Variants in ITFG2 observed in about 807,000 individuals in gnomAD.
ITFG2 encodes the protein integrin alpha FG-GAP repeat containing 2, also known as KICSTOR complex protein ITFG2.
Under a neutral mutation model 54.4 loss-of-function variants are expected in ITFG2, and 36 were observed. The ratio of observed to expected loss-of-function variants is 0.66; its 90% confidence interval spans 0.51 to 0.87. The LOEUF is 0.87. Ranked by LOEUF, ITFG2 falls within the 40% of genes least tolerant of loss-of-function variation. ITFG2 has a pLI of 0.00. For missense variants in ITFG2, 524 were observed against 576.7 expected (o/e 0.91, Z 0.94); for synonymous variants, 211 against 225.4 (o/e 0.94, Z 0.57).
At chr12:2,850,360 G>C (rs2098066053) in intron 2 of ITFG2, among the ~76,000 whole-genome samples, 1 of 151,576 alleles carries the variant, frequency 6.6e-6, no homozygotes, top group African/African-American at 2.4e-5. Flanking sequence ...TGTAGTCCCA[G>C]CTACTCGGGA....
intron 6 of ITFG2, 52 bp downstream of exon 6, chr12:2,820,924 G>A: frequency 6.3e-6 from 10 of 1,585,752 alleles, no homozygotes; most frequent in Non-Finnish European, 8.6e-6. Flanking sequence ...AAGCAGGATG[G>A]GCTCCCAGAT....
At chr12:2,821,637 T>C (rs1245433945) in intron 8 of ITFG2, 41 bp downstream of exon 8, 13 of 1,613,706 alleles carry the variant, frequency 8.1e-6, no homozygotes, top group Non-Finnish European at 1.1e-5. Context: ...TGTATGCCTG[T>C]AGGGTCTGCT....
chr12:2,835,156 C>CATATGTGT (rs1555088426), upstream of ITFG2: 4 of 1,299,524 alleles, frequency 3.1e-6, no homozygotes, highest in African/African-American at 8.8e-5. Context: ...GTGGATGGGG[C>CATATGTGT]GTATGTGTGT....
At chr12:2,830,835 C>A in exon 3 of ITFG2, 3 of 1,613,522 alleles carry the variant, frequency 1.9e-6, no homozygotes, top group Non-Finnish European at 2.5e-6. Context: ...CTCCACCAGG[C>A]GTCTTTGGAT....
intron 2 of ITFG2, among the ~76,000 whole-genome samples, chr12:2,853,493 G>C (rs537202001): frequency 4.8e-4 from 73 of 152,144 alleles, no homozygotes; most frequent in African/African-American, 1.8e-3. Context: ...GGCTGGTCTC[G>C]AACTCCTGAC....
intron 2 of ITFG2, among the ~76,000 whole-genome samples, chr12:2,853,650 A>T: frequency 6.6e-6 from 1 of 151,304 alleles, no homozygotes. Flanking sequence ...CAGCCACTCC[A>T]ACTCCCCAGT....
At chr12:2,856,452 A>C (rs185085081) in intron 2 of ITFG2, among the ~76,000 whole-genome samples, 60 of 151,796 alleles carry the variant, frequency 4.0e-4, no homozygotes, top group Middle Eastern at 3.4e-3. Context: ...TGCAACCTCC[A>C]CCTCCCGGGT....
At chr12:2,816,766 C>T (rs1035072439) in intron 1 of ITFG2, among the ~76,000 whole-genome samples, 9 of 151,802 alleles carry the variant, frequency 5.9e-5, no homozygotes, top group Non-Finnish European at 1.2e-4. Context: ...CTCGGTGTCC[C>T]GAGTAGTTGG....
chr12:2,822,499 C>T (rs868604331), intron 9 of ITFG2, among the ~76,000 whole-genome samples: 5 of 152,146 alleles, frequency 3.3e-5, no homozygotes, highest in Admixed American at 6.5e-5. Context: ...CTTTATATTG[C>T]CATCAGGCAT....
At chr12:2,842,897 G>A (rs2098044877) in intron 2 of ITFG2, among the ~76,000 whole-genome samples, 2 of 152,084 alleles carry the variant, frequency 1.3e-5, no homozygotes, top group Non-Finnish European at 2.9e-5. Flanking sequence ...TATATTCAAA[G>A]TTCATGCCCT....
downstream of ITFG2, among the ~76,000 whole-genome samples, chr12:2,829,512 A>G (rs2097989114): frequency 6.6e-6 from 1 of 152,150 alleles, no homozygotes; most frequent in South Asian, 2.1e-4. Flanking sequence ...GCTCACACCT[A>G]TCTATAATCC....
chr12:2,825,108 G>A (rs1332500491), downstream of ITFG2: 2 of 152,204 alleles, frequency 1.3e-5, no homozygotes, highest in Non-Finnish European at 2.9e-5. Flanking sequence ...GTATTGTTTT[G>A]TTAGTCATAT....
At chr12:2,855,362 G>A in intron 2 of ITFG2, 2 of 1,507,316 alleles carry the variant, frequency 1.3e-6, no homozygotes, top group Non-Finnish European at 8.8e-7. Context: ...GTGAAGCCAG[G>A]GAACTCCCAG....
intron 2 of ITFG2, among the ~76,000 whole-genome samples, chr12:2,841,351 T>C (rs2098040662): frequency 6.6e-6 from 1 of 152,216 alleles, no homozygotes; most frequent in Non-Finnish European, 1.5e-5. Context: ...CAGAGGGCTC[T>C]GGTGTTTTTG....
At chr12:2,840,412 C>T (rs2098038276) in intron 1 of ITFG2, among the ~76,000 whole-genome samples, 1 of 149,952 alleles carries the variant, frequency 6.7e-6, no homozygotes, top group Non-Finnish European at 1.5e-5. Flanking sequence ...GCCGAGATCA[C>T]GTCACTGCAC....
Position 2,857,405 on chromosome 12 carries a change from C to T in ITFG2, n.301-607C>T, listed in dbSNP as rs2098091069. On this transcript the variant is annotated intron_variant and non_coding_transcript_variant, in intron 2 of 3. Transcript: ENST00000537710. ...CCTCGTGAGCTTGTCTTATTAAGAA[C>T]CCTCAAAAGGCCTAAGTTAACCAGC... The T allele has an allele frequency of 1.8e-5, 5 of 285,044 alleles. No individual in the cohort carries two copies. The South Asian group carries it at 2.2e-4, about 13-fold the overall frequency. The allele number at this position is 285,044 out of a possible 1,614,324, so 17.7% of individuals were successfully genotyped here. A position where few individuals can be genotyped will look rare whatever the true frequency, so the allele number is the denominator to read the frequency against.
intron 2 of ITFG2, chr12:2,854,750 T>C: frequency 1.2e-6 from 1 of 851,260 alleles, no homozygotes; most frequent in South Asian, 1.9e-5. Flanking sequence ...ACCTCGTCCT[T>C]CCAGCTACAC....
At chr12:2,839,574 C>G (rs1463110754) in intron 1 of ITFG2, among the ~76,000 whole-genome samples, 1 of 151,926 alleles carries the variant, frequency 6.6e-6, no homozygotes, top group Admixed American at 6.6e-5. Context: ...TTTTTTCATT[C>G]AGAAAAAAGT....
downstream of ITFG2, among the ~76,000 whole-genome samples, chr12:2,831,136 G>T (rs1205457173): frequency 6.6e-6 from 1 of 152,014 alleles, no homozygotes; most frequent in East Asian, 1.9e-4. Flanking sequence ...AGTAGCCGAA[G>T]GGACATTTCA....
Sources: allele counts gnomAD v4.1 joint callset (sites outside exome capture counted in the v4.1 genomes callset), GRCh38; gene constraint gnomAD v4.1.1; transcripts MANE v1.5; gene names NCBI Gene and HGNC (gene_info 2026-07-23, HGNC 2026-07-21).